The following HACD2 variants were observed in gnomAD, a reference collection of about 807,000 sequenced individuals.
HACD2 encodes the protein 3-hydroxyacyl-CoA dehydratase 2.
In HACD2, 15 loss-of-function variants were observed where a neutral mutation model predicts 31.0. The ratio of observed to expected loss-of-function variants is 0.48; its 90% CI spans 0.32 to 0.75. The LOEUF is 0.75. HACD2 is among the 30% of genes least tolerant of loss of function. The pLI is 0.03. For synonymous variants in HACD2, 115 were observed against 122.2 expected, an observed-to-expected ratio of 0.94 and a Z score of 0.39; for missense variants, 283 against 313.0, an observed-to-expected ratio of 0.90 and a Z score of 0.72.
At chr3:123,508,515 T>C (rs920121552) in intron 4 of HACD2, among the ~76,000 whole-genome samples, 1 of 152,164 alleles carries the variant, frequency 6.6e-6, no homozygotes, top group Non-Finnish European at 1.5e-5. Flanking sequence ...TTTATTACAG[T>C]CAAAGAAAAA....
chr3:123,569,955 CT>C (rs2056834783), intron 2 of HACD2, among the ~76,000 whole-genome samples: 1 of 127,174 alleles, frequency 7.9e-6, no homozygotes, highest in Non-Finnish European at 1.6e-5. Context: ...CGCCACTGCA[CT>C]CCAGCGTGGG....
At chr3:123,575,600 A>G (rs905414265) in intron 2 of HACD2, among the ~76,000 whole-genome samples, 7 of 152,214 alleles carry the variant, frequency 4.6e-5, no homozygotes, top group African/African-American at 1.7e-4. Context: ...GATAACAGCT[A>G]ACTACTCTGA....
At chr3:123,579,541 T>C (rs993298665) in intron 2 of HACD2, among the ~76,000 whole-genome samples, 2 of 152,142 alleles carry the variant, frequency 1.3e-5, no homozygotes, top group Non-Finnish European at 2.9e-5. Flanking sequence ...TGCCCTCAAG[T>C]GATCCTCCTG....
chr3:123,564,503 G>A (rs180920718), intron 3 of HACD2, among the ~76,000 whole-genome samples: 25 of 152,284 alleles, frequency 1.6e-4, no homozygotes, highest in Admixed American at 5.9e-4. Flanking sequence ...AGTCATCAGC[G>A]GTGCCCCATG....
chr3:123,494,935 T>C lies in HACD2; in HGVS notation c.718A>G (p.Arg240Gly). Residue 240 changes from arginine to glycine, a missense_variant, in exon 7 of 7, where the codon AGA (arginine) becomes GGA (glycine). Coordinates refer to ENST00000383657, the MANE Select transcript of HACD2 (RefSeq NM_198402.5). ...PQLYFHMIHQ[R>G]RKILSHTEEH... ...TCAGTATGAGAAAGGATCTTTCTTC[T>C]CTGGTGTATCATGTGGAAGTATAAC... is the stretch of plus-strand genomic sequence containing the variant. 6.4e-7 allele frequency: 1 copy of C among 1,560,912 alleles called. No homozygotes were observed. Among genetic ancestry groups the C allele is most frequent in the Non-Finnish European group, 8.7e-7 (1 of 1,151,232 alleles).
At chr3:123,542,566 T>A (rs542060430) in intron 3 of HACD2, among the ~76,000 whole-genome samples, 1 of 152,364 alleles carries the variant, frequency 6.6e-6, no homozygotes, top group African/African-American at 2.4e-5. Context: ...GACTAAAACA[T>A]CTATCTATCA....
chr3:123,497,437 C>T (rs1034660080), intron 6 of HACD2, among the ~76,000 whole-genome samples: 3 of 152,188 alleles, frequency 2.0e-5, no homozygotes, highest in Non-Finnish European at 2.9e-5. Context: ...GGGCTCTCTT[C>T]CCCTCTGGGG....
intron 4 of HACD2, among the ~76,000 whole-genome samples, chr3:123,506,233 G>A (rs569683934): frequency 6.6e-6 from 1 of 152,164 alleles, no homozygotes. Context: ...CATCATTGCT[G>A]ACTGCTGAGC....
At chr3:123,565,456 C>T (rs187150735) in intron 3 of HACD2, among the ~76,000 whole-genome samples, 2 of 152,232 alleles carry the variant, frequency 1.3e-5, no homozygotes, top group South Asian at 2.1e-4. Flanking sequence ...AGGGAGCTCA[C>T]TTGCCCCTTC....
intron 2 of HACD2, among the ~76,000 whole-genome samples, chr3:123,578,759 G>C (rs1282007702): frequency 6.6e-6 from 1 of 152,204 alleles, no homozygotes; most frequent in Non-Finnish European, 1.5e-5. Context: ...AGCATAAAGA[G>C]ATATAAATGA....
intron 6 of HACD2, chr3:123,499,233 C>T (rs2055873344): frequency 6.0e-6 from 1 of 167,076 alleles, no homozygotes; most frequent in Non-Finnish European, 1.3e-5. Context: ...CTGTGAACTG[C>T]TGCTCTAGAG....
At chr3:123,508,690 T>C (rs1314435271) in intron 4 of HACD2, among the ~76,000 whole-genome samples, 1 of 152,176 alleles carries the variant, frequency 6.6e-6, no homozygotes, top group African/African-American at 2.4e-5. Context: ...GTGAAGAGAT[T>C]TGGTAAAATC....
At chr3:123,581,011 G>A (rs1445074998) in intron 2 of HACD2, among the ~76,000 whole-genome samples, 13 of 151,914 alleles carry the variant, frequency 8.6e-5, no homozygotes, top group Non-Finnish European at 1.8e-4. Context: ...TAGTAGAGAC[G>A]GGGTTTCACT....
intron 2 of HACD2, among the ~76,000 whole-genome samples, chr3:123,578,352 C>T (rs1443667396): frequency 2.0e-5 from 3 of 152,106 alleles, no homozygotes; most frequent in Non-Finnish European, 2.9e-5. Flanking sequence ...CTCACTGTAG[C>T]CTTGAACTCC....
In HACD2 at chr3:123,584,950, G is replaced by A. The variant is rs1046155906; in HGVS notation, c.78C>T (p.Ser26=). Residue 26 remains serine, a synonymous_variant, in exon 1 of 7, where the codon AGC becomes AGT. Coordinates refer to ENST00000383657, the MANE Select transcript of HACD2 (RefSeq NM_198402.5). The stretch of plus-strand genomic sequence containing the variant: ...CCGGGCCCTTCTTCTTCCGCGTGCC[G>A]CTGGCGTCCCCGGCCCCGGCCCTGC... ...GGGRAGAGDA[S]GTRKKKGPGP... 6.5e-6 allele frequency: 10 copies of A among 1,528,084 alleles called. No individual in the cohort carries two copies. The highest frequency in any genetic ancestry group is 8.8e-6 in the Non-Finnish European group (10 of 1,137,652). The allele number at this position is 1,528,084 out of a possible 1,614,324, so 94.7% of individuals were successfully genotyped here.
At chr3:123,547,205 T>G (rs1377883972) in intron 3 of HACD2, among the ~76,000 whole-genome samples, 1 of 152,210 alleles carries the variant, frequency 6.6e-6, no homozygotes, top group Admixed American at 6.5e-5. Flanking sequence ...AGTGTTGGAA[T>G]TGTGATTACG....
intron 4 of HACD2, among the ~76,000 whole-genome samples, chr3:123,513,440 C>T (rs942447053): frequency 5.9e-5 from 9 of 152,178 alleles, no homozygotes; most frequent in Admixed American, 1.3e-4. Flanking sequence ...CAGAGGTCAA[C>T]GTCACCAGGA....
At chr3:123,534,153 A>G (rs16834404) in intron 3 of HACD2, among the ~76,000 whole-genome samples, 21,693 of 152,092 alleles carry the variant, frequency 0.14, 2,185 homozygotes, top group African/African-American at 0.28. Flanking sequence ...TGCAAAGCTG[A>G]GCAGCACTAG....
chr3:123,508,628 G>A (rs1403249673), intron 4 of HACD2, among the ~76,000 whole-genome samples: 1 of 152,170 alleles, frequency 6.6e-6, no homozygotes, highest in Non-Finnish European at 1.5e-5. Flanking sequence ...GAAATTCCCT[G>A]ACCAAGCTTT....
Sources: gnomAD v4.1 joint callset for allele counts (sites outside exome capture counted in the v4.1 genomes callset) on GRCh38, gnomAD v4.1.1 for gene constraint, MANE v1.5 for transcripts, NCBI Gene and HGNC (gene_info 2026-07-23, HGNC 2026-07-21) for gene names.